Variants in SWI5 observed in about 807,000 individuals in gnomAD.
SWI5 encodes the protein DNA repair protein SWI5 homolog.
A neutral mutation model predicts 17.0 loss-of-function variants in SWI5; 12 were observed. The ratio of observed to expected loss-of-function variants is 0.71; its 90% CI spans 0.45 to 1.14. The LOEUF is 1.14. Ranked by LOEUF, SWI5 falls within the 50% of genes most tolerant of loss-of-function variation. The pLI, the probability that SWI5 is intolerant of heterozygous loss-of-function variation, is 0.00. For missense variants in SWI5, 158 were observed against 162.2 expected (o/e 0.97, Z 0.14); for synonymous variants, 61 against 64.0 (o/e 0.95, Z 0.22).
exon 5 of SWI5, chr9:128,288,878 G>A (rs1831691264): frequency 1.4e-6 from 1 of 720,816 alleles, no homozygotes. Context: ...CTAGAGAAGA[G>A]GCGGGCAGGG....
chr9:128,284,964 A>G (rs1334624747), intron 3 of SWI5, among the ~76,000 whole-genome samples: 2 of 141,384 alleles, frequency 1.4e-5, no homozygotes, highest in East Asian at 1.9e-4. Context: ...TTTAAAAAAA[A>G]AAAAAAAAAA....
At chr9:128,287,022 T>A (rs1831651091) in intron 4 of SWI5, among the ~76,000 whole-genome samples, 1 of 150,832 alleles carries the variant, frequency 6.6e-6, no homozygotes, top group African/African-American at 2.4e-5. Context: ...ACATGTGTAA[T>A]CCCAGCTATT....
At chr9:128,279,671 C>T (rs562332197) in intron 2 of SWI5, among the ~76,000 whole-genome samples, 4 of 152,178 alleles carry the variant, frequency 2.6e-5, no homozygotes, top group Non-Finnish European at 4.4e-5. Context: ...GGACAAGGAG[C>T]GTGACCATTG....
chr9:128,286,146 C>A, intron 4 of SWI5, 113 bp downstream of exon 4: 1 of 739,456 alleles, frequency 1.4e-6, no homozygotes, highest in Non-Finnish European at 2.3e-6. Context: ...ACACCCTCAG[C>A]AGTTGGCCTG....
chr9:128,278,786 T>A (rs1041162198), intron 2 of SWI5: 1 of 424,456 alleles, frequency 2.4e-6, no homozygotes. Flanking sequence ...TGTTTTTTTT[T>A]ATTTGAGACG....
intron 2 of SWI5, 39 bp downstream of exon 2, chr9:128,276,794 G>C (rs768177192): frequency 6.4e-7 from 1 of 1,566,656 alleles, no homozygotes; most frequent in African/African-American, 1.4e-5. Context: ...TCCCATCCTC[G>C]ACCTTCCCTT....
chr9:128,286,581 A>G (rs1588508193), intron 4 of SWI5: 1 of 153,326 alleles, frequency 6.5e-6, no homozygotes, highest in Non-Finnish European at 1.5e-5. Context: ...AGTGCTGGGT[A>G]CTCTGATGTT....
exon 5 of SWI5, chr9:128,288,787 CA>C: frequency 6.6e-7 from 1 of 1,523,974 alleles, no homozygotes; most frequent in Non-Finnish European, 9.1e-7. Flanking sequence ...ACTGAGAGCC[CA>C]ACCAGCACAC....
At position 128,281,704 on chromosome 9, in the gene SWI5, C is replaced by T. The variant is rs368094628; in HGVS notation, c.112-2806C>T. On this transcript the variant is annotated intron_variant, in intron 2 of 4. Coordinates refer to ENST00000418976, the Ensembl canonical transcript of SWI5. ...AAAGTCCCTTCCCTCATGGAGCTTA[C>T]ACTTCAGTGATGTAAAGCAATGTAA... Among the ~76,000 whole-genome samples the T allele has an allele frequency of 6.3e-4, 96 of 152,346 alleles. 2 individuals are homozygous for T. The South Asian group carries it at 0.019, about 31-fold the overall frequency.
upstream of SWI5, chr9:128,275,417 G>T: frequency 7.7e-7 from 1 of 1,293,790 alleles, no homozygotes; most frequent in Non-Finnish European, 9.8e-7. Flanking sequence ...GATGGGGGAG[G>T]GGACCGCAGG....
At chr9:128,278,054 C>A (rs924374113) in intron 2 of SWI5, among the ~76,000 whole-genome samples, 1 of 151,078 alleles carries the variant, frequency 6.6e-6, no homozygotes, top group African/African-American at 2.4e-5. Context: ...CCAGGCCCAA[C>A]CCATCCTCTT....
At chr9:128,277,173 G>A (rs1190352074) in intron 2 of SWI5, among the ~76,000 whole-genome samples, 3 of 151,980 alleles carry the variant, frequency 2.0e-5, no homozygotes, top group Non-Finnish European at 4.4e-5. Flanking sequence ...TCTCCTCTTC[G>A]CTGGCAAGCC....
chr9:128,278,482 G>A (rs1247103324), intron 2 of SWI5, among the ~76,000 whole-genome samples: 3 of 151,444 alleles, frequency 2.0e-5, no homozygotes, highest in Admixed American at 6.6e-5. Flanking sequence ...CAGGAGAATC[G>A]CTTGAACCCA....
chr9:128,275,975 A>G, upstream of SWI5: 1 of 1,598,594 alleles, frequency 6.3e-7, no homozygotes, highest in Non-Finnish European at 8.5e-7. Context: ...TTGGGGCCAC[A>G]TCAGCGCGAT....
rs186919839 is a variant in SWI5, at chr9:128,277,221, A to G, written c.111+466A>G. Among the ~76,000 whole-genome samples the G allele has an allele frequency of 1.5e-3, 229 of 152,236 alleles. 1 individual carries two copies. Among genetic ancestry groups the G allele is most frequent in the Middle Eastern group, 0.01 (3 of 294 alleles). The stretch of plus-strand genomic sequence containing the variant: ...CAGCCTACTCCTTCTCTCATCCCCC[A>G]GATGGAGTTGCCACTACAACTACCA... On this transcript the variant is annotated intron_variant, in intron 2 of 4. Transcript: ENST00000418976.
At chr9:128,279,882 C>T (rs751150152) in intron 2 of SWI5, among the ~76,000 whole-genome samples, 3 of 152,156 alleles carry the variant, frequency 2.0e-5, no homozygotes, top group Non-Finnish European at 2.9e-5. Context: ...AGCCCTCAAG[C>T]GGCCCTTATG....
upstream of SWI5, chr9:128,276,141 T>A: frequency 2.6e-6 from 4 of 1,567,010 alleles, no homozygotes; most frequent in Non-Finnish European, 2.6e-6. Context: ...GAAGGGGGCG[T>A]GGCTATGCAG....
At chr9:128,276,019 G>C, upstream of SWI5, 2 of 1,591,266 alleles carry the variant, frequency 1.3e-6, no homozygotes, top group Non-Finnish European at 1.7e-6. Context: ...GTCAGCCACC[G>C]CGCAGCTGTG....
chr9:128,276,248 T>C (rs1246583597), exon 1 of SWI5: 30 of 1,612,702 alleles, frequency 1.9e-5, no homozygotes, highest in Non-Finnish European at 2.5e-5. Flanking sequence ...CGGCTTTCCT[T>C]GGGTGCGCGC....
Sources: gnomAD v4.1 joint callset for allele counts (sites outside exome capture counted in the v4.1 genomes callset) on GRCh38, gnomAD v4.1.1 for gene constraint, MANE v1.5 for transcripts, NCBI Gene and HGNC (gene_info 2026-07-23, HGNC 2026-07-21) for gene names.